The following SPPL3 variants were observed in gnomAD, a reference collection of about 807,000 sequenced individuals.
SPPL3 encodes signal peptide peptidase-like 3.
Under a neutral mutation model 42.4 loss-of-function variants are expected in SPPL3, and 5 were observed. That is an observed-to-expected ratio of 0.12 (90% CI 0.06 to 0.25). SPPL3 has a LOEUF of 0.25. SPPL3 is among the 10% of genes least tolerant of loss of function. The probability of loss-of-function intolerance (pLI) is 1.00; values close to 1 mark genes in which losing one functional copy is unlikely to be tolerated. For missense variants in SPPL3, 235 were observed against 489.0 expected (o/e 0.48, Z 4.90); for synonymous variants, 195 against 181.8 (o/e 1.07, Z -0.58).
intron 1 of SPPL3, among the ~76,000 whole-genome samples, chr12:120,868,909 C>T (rs1319332254): frequency 6.6e-6 from 1 of 152,100 alleles, no homozygotes; most frequent in Non-Finnish European, 1.5e-5. Flanking sequence ...ATAGCGACTG[C>T]TATAATTCAG....
intron 1 of SPPL3, among the ~76,000 whole-genome samples, chr12:120,832,892 C>A (rs1044633777): frequency 3.3e-5 from 5 of 152,160 alleles, no homozygotes; most frequent in African/African-American, 1.2e-4. Context: ...TTACTGAGCA[C>A]TTCCAAAGCA....
chr12:120,853,977 C>CACACGT (rs1566061350), intron 1 of SPPL3, among the ~76,000 whole-genome samples: 4 of 90,878 alleles, frequency 4.4e-5, no homozygotes, highest in African/African-American at 1.8e-4. Context: ...CACACACACG[C>CACACGT]ACACATACAC....
intron 1 of SPPL3, among the ~76,000 whole-genome samples, chr12:120,856,503 C>CTTTTTTTT (rs35137934): frequency 4.5e-5 from 4 of 89,188 alleles, no homozygotes; most frequent in Admixed American, 1.3e-4. Context: ...CAATTTTCAT[C>CTTTTTTTT]TTTTTTTTTT....
At chr12:120,779,820 C>CAAAAA (rs1164272443) in intron 6 of SPPL3, among the ~76,000 whole-genome samples, 700 of 42,756 alleles carry the variant, frequency 0.016, 77 homozygotes, top group African/African-American at 0.049. Context: ...ACTAAAAATA[C>CAAAAA]AAAAAAAAAA....
intron 1 of SPPL3, among the ~76,000 whole-genome samples, chr12:120,823,573 CCTT>C (rs1227732300): frequency 6.6e-6 from 1 of 152,214 alleles, no homozygotes; most frequent in Admixed American, 6.5e-5. Flanking sequence ...CGTATTTTCT[CCTT>C]CTCCTCTGCC....
chr12:120,768,809 C>G (rs1238441648), intron 7 of SPPL3, 144 bp downstream of exon 7: 1 of 707,658 alleles, frequency 1.4e-6, no homozygotes, highest in Middle Eastern at 4.0e-4. Context: ...GACTGCACAC[C>G]CATGATACAG....
chr12:120,765,521 G>T (rs977223768), intron 10 of SPPL3, among the ~76,000 whole-genome samples: 1 of 152,044 alleles, frequency 6.6e-6, no homozygotes, highest in Non-Finnish European at 1.5e-5. Flanking sequence ...CTCTTAACCC[G>T]CCTGCCTCAG....
At chr12:120,797,839 G>A (rs1369624281) in intron 2 of SPPL3, among the ~76,000 whole-genome samples, 1 of 152,090 alleles carries the variant, frequency 6.6e-6, no homozygotes, top group Non-Finnish European at 1.5e-5. Flanking sequence ...CCACCTCTAT[G>A]ACTCAAAATT....
intron 2 of SPPL3, among the ~76,000 whole-genome samples, chr12:120,794,200 T>C (rs1870021094): frequency 6.6e-6 from 1 of 152,208 alleles, no homozygotes; most frequent in Non-Finnish European, 1.5e-5. Context: ...TGTCTTATAT[T>C]AATACAGCCA....
chr12:120,766,200 G>T, intron 10 of SPPL3, 63 bp downstream of exon 10: 1 of 1,375,102 alleles, frequency 7.3e-7, no homozygotes, highest in Non-Finnish European at 9.9e-7. Context: ...CGAGGAGAGT[G>T]CAAACCGAGG....
chr12:120,812,300 T>C (rs967136111), intron 1 of SPPL3, among the ~76,000 whole-genome samples: 1 of 151,968 alleles, frequency 6.6e-6, no homozygotes, highest in African/African-American at 2.4e-5. Flanking sequence ...CCTGGCTAAT[T>C]TTTGTATTTT....
At chr12:120,890,015 G>A (rs544146696) in intron 1 of SPPL3, among the ~76,000 whole-genome samples, 22 of 152,004 alleles carry the variant, frequency 1.4e-4, no homozygotes, top group Non-Finnish European at 2.9e-4. Context: ...GGAGGCCAAC[G>A]TGGGTGGATC....
chr12:120,784,364 A>G, intron 4 of SPPL3, 110 bp downstream of exon 4: 1 of 1,196,176 alleles, frequency 8.4e-7, no homozygotes, highest in South Asian at 1.7e-5. Flanking sequence ...CAAGATTTAT[A>G]AGGAAAAACT....
At chr12:120,869,993 A>C (rs1315307995) in intron 1 of SPPL3, among the ~76,000 whole-genome samples, 1 of 152,256 alleles carries the variant, frequency 6.6e-6, no homozygotes, top group African/African-American at 2.4e-5. Context: ...AGTGACATAA[A>C]GCCATTGAAT....
At chr12:120,868,816 A>G (rs185375403) in intron 1 of SPPL3, among the ~76,000 whole-genome samples, 180 of 152,292 alleles carry the variant, frequency 1.2e-3, no homozygotes, top group Middle Eastern at 3.4e-3. Flanking sequence ...TCAATAAAAT[A>G]ATATTTTCAT....
intron 1 of SPPL3, among the ~76,000 whole-genome samples, chr12:120,867,744 T>C (rs1369409142): frequency 3.0e-5 from 1 of 33,308 alleles, no homozygotes; most frequent in Non-Finnish European, 1.1e-4. Context: ...AATTCATGTA[T>C]TAAAAAAAAA....
At position 120,782,710 on chromosome 12, in the gene SPPL3, C is replaced by G. The variant is rs1212245456; in HGVS notation, c.447G>C (p.Leu149=). ...CCCAGATGAGGACGAGCATGACAGA[C>G]AGAGAGAATGACAGCAACTCAGCAG... is the stretch of plus-strand genomic sequence containing the variant. ...FTAAELLSFS[L]SVMLVLIWVL... Residue 149 remains leucine (L), a synonymous_variant, in exon 6 of 11, where the codon CTG becomes CTC. Coordinates refer to ENST00000353487, the MANE Select transcript of SPPL3 (RefSeq NM_139015.5). 1 of 1,611,558 alleles carries G rather than the reference C, an allele frequency of 6.2e-7. No homozygotes were observed. The highest frequency in any genetic ancestry group is 1.1e-5 in the South Asian group (1 of 90,610).
chr12:120,789,120 G>A (rs377077201), intron 3 of SPPL3, among the ~76,000 whole-genome samples: 3 of 152,190 alleles, frequency 2.0e-5, no homozygotes, highest in Non-Finnish European at 2.9e-5. Flanking sequence ...AAGAAATGTT[G>A]TCAAGGATAA....
intron 1 of SPPL3, among the ~76,000 whole-genome samples, chr12:120,844,117 C>A (rs1202365763): frequency 6.6e-6 from 1 of 152,130 alleles, no homozygotes; most frequent in Admixed American, 6.5e-5. Flanking sequence ...TAATAGGTAT[C>A]TTAAACTTAA....
Sources: allele counts gnomAD v4.1 joint callset (sites outside exome capture counted in the v4.1 genomes callset), GRCh38; gene constraint gnomAD v4.1.1; transcripts MANE v1.5; gene names NCBI Gene and HGNC (gene_info 2026-07-23, HGNC 2026-07-21).